Variants in TBC1D22A observed in about 807,000 individuals in gnomAD.
TBC1D22A encodes putative GTPase activator.
Under a neutral mutation model 60.2 loss-of-function variants are expected in TBC1D22A, and 38 were observed. The ratio of observed to expected loss-of-function variants is 0.63; its 90% CI spans 0.49 to 0.83. The LOEUF is 0.83. TBC1D22A is among the 40% of genes least tolerant of loss of function. TBC1D22A has a pLI of 0.00. For missense variants in TBC1D22A, 628 were observed against 701.0 expected (o/e 0.90, Z 1.18); for synonymous variants, 302 against 281.7 (o/e 1.07, Z -0.72).
In TBC1D22A at chr22:47,039,935, C is replaced by CTTTT. The variant is rs570751261; in HGVS notation, c.1329+2761_1329+2764dup. On this transcript the variant is annotated intron_variant, in intron 11 of 12. Transcript: ENST00000337137. Reference sequence around the variant, plus strand: ...CAAGGCGTCGGGGAGGTGCCACAGCCTTTTTTTTTTTTTTTTTTTTTTTTT... The same window carrying CTTTT: ...CAAGGCGTCGGGGAGGTGCCACAGCCTTTTTTTTTTTTTTTTTTTTTTTTTTTTT... Among the ~76,000 whole-genome samples the CTTTT allele has an allele frequency of 2.7e-3, 209 of 77,278 alleles. 25 individuals carry two copies. Among genetic ancestry groups the CTTTT allele is most frequent in the African/African-American group, 8.3e-3 (132 of 15,926 alleles). 50.7% of individuals were successfully genotyped at this position (77,278 alleles called of 152,430 possible). A position where few individuals can be genotyped will look rare whatever the true frequency, so the allele number is the denominator to read the frequency against.
chr22:46,904,101 A>ATCTGTCTGTCTGTCTG (rs1569199177), intron 7 of TBC1D22A, among the ~76,000 whole-genome samples: 7 of 33,118 alleles, frequency 2.1e-4, no homozygotes, highest in African/African-American at 6.7e-4. Flanking sequence ...AATAAAATCT[A>ATCTGTCTGTCTGTCTG]TCTATCTATC....
intron 11 of TBC1D22A, among the ~76,000 whole-genome samples, chr22:47,099,961 A>G (rs2065345366): frequency 6.6e-6 from 1 of 152,168 alleles, no homozygotes; most frequent in Non-Finnish European, 1.5e-5. Context: ...GGCCTCGAGC[A>G]CCAGAGAAAC....
At chr22:46,924,755 A>AAC (rs2070953270) in intron 8 of TBC1D22A, among the ~76,000 whole-genome samples, 1 of 150,160 alleles carries the variant, frequency 6.7e-6, no homozygotes, top group Admixed American at 6.7e-5. Flanking sequence ...CAAAAAAAAA[A>AAC]CAAAAACAAA....
At chr22:47,089,952 G>C (rs2064851210) in intron 11 of TBC1D22A, among the ~76,000 whole-genome samples, 1 of 152,202 alleles carries the variant, frequency 6.6e-6, no homozygotes, top group East Asian at 1.9e-4. Flanking sequence ...GCAGAGGTCA[G>C]AACAGCCCAG....
intron 9 of TBC1D22A, among the ~76,000 whole-genome samples, chr22:46,989,598 C>T (rs1290454189): frequency 6.6e-6 from 1 of 152,106 alleles, no homozygotes; most frequent in East Asian, 1.9e-4. Flanking sequence ...AGTTGGAACA[C>T]ACACAAAACA....
chr22:46,929,983 C>T (rs2071263573), intron 8 of TBC1D22A, among the ~76,000 whole-genome samples: 1 of 152,152 alleles, frequency 6.6e-6, no homozygotes, highest in Non-Finnish European at 1.5e-5. Flanking sequence ...TATGGAAATG[C>T]AGTGCCTGAG....
intron 8 of TBC1D22A, among the ~76,000 whole-genome samples, chr22:46,947,609 G>A (rs1174826909): frequency 6.6e-6 from 1 of 152,180 alleles, no homozygotes; most frequent in Non-Finnish European, 1.5e-5. Flanking sequence ...CCGCTTGTCT[G>A]TGTTGTGTTC....
At chr22:47,110,077 G>GT (rs2065791662) in intron 11 of TBC1D22A, among the ~76,000 whole-genome samples, 1 of 152,228 alleles carries the variant, frequency 6.6e-6, no homozygotes, top group Admixed American at 6.5e-5. Context: ...TCGTTCTGCG[G>GT]TAGCTGTGCT....
chr22:47,107,137 G>A (rs559594622), intron 11 of TBC1D22A, among the ~76,000 whole-genome samples: 2 of 152,308 alleles, frequency 1.3e-5, no homozygotes, highest in East Asian at 3.9e-4. Context: ...GTTAAAATTT[G>A]TAGAGGGGCT....
chr22:46,891,539 C>T (rs1001523637), intron 6 of TBC1D22A, 145 bp downstream of exon 6: 16 of 846,714 alleles, frequency 1.9e-5, no homozygotes, highest in Non-Finnish European at 2.3e-5. Flanking sequence ...TTTTTATTTT[C>T]TAATAAATAA....
intron 8 of TBC1D22A, among the ~76,000 whole-genome samples, chr22:46,926,569 T>G (rs894631728): frequency 6.6e-6 from 1 of 152,212 alleles, no homozygotes; most frequent in Non-Finnish European, 1.5e-5. Flanking sequence ...AGTCTATTTG[T>G]AGCTGCAGTG....
intron 1 of TBC1D22A, among the ~76,000 whole-genome samples, chr22:46,769,283 A>G (rs2083405813): frequency 6.6e-6 from 1 of 152,218 alleles, no homozygotes; most frequent in African/African-American, 2.4e-5. Context: ...GGTCGGCTGA[A>G]TAGGCCACAG....
At chr22:46,942,008 C>T (rs976075513) in intron 8 of TBC1D22A, among the ~76,000 whole-genome samples, 4 of 133,630 alleles carry the variant, frequency 3.0e-5, no homozygotes, top group Admixed American at 7.7e-5. Context: ...CACCAGCATA[C>T]ATATATATAT....
chr22:47,081,120 C>CAAAAAAAAAAAAAAAAAAA (rs34794967), intron 11 of TBC1D22A, among the ~76,000 whole-genome samples: 1 of 83,782 alleles, frequency 1.2e-5, no homozygotes, highest in African/African-American at 4.9e-5. Context: ...AACTCCGTCT[C>CAAAAAAAAAAAAAAAAAAA]AAAAAAAAAA....
intron 8 of TBC1D22A, among the ~76,000 whole-genome samples, chr22:46,964,308 C>G (rs1340901750): frequency 6.6e-6 from 1 of 152,152 alleles, no homozygotes; most frequent in East Asian, 1.9e-4. Context: ...TGCAGTCATG[C>G]CTTTTGAGTA....
At chr22:47,172,938 T>C (rs1569482967) in intron 12 of TBC1D22A, among the ~76,000 whole-genome samples, 3 of 152,368 alleles carry the variant, frequency 2.0e-5, no homozygotes, top group African/African-American at 7.2e-5. Flanking sequence ...GGGCTTCATC[T>C]GCTGATGGTG....
At chr22:46,822,661 C>G (rs182229820) in intron 4 of TBC1D22A, among the ~76,000 whole-genome samples, 5 of 152,270 alleles carry the variant, frequency 3.3e-5, no homozygotes, top group Admixed American at 6.5e-5. Flanking sequence ...CAACCTGATG[C>G]CAGCAGGATC....
At chr22:47,148,012 C>T (rs1452714462) in intron 12 of TBC1D22A, among the ~76,000 whole-genome samples, 1 of 152,186 alleles carries the variant, frequency 6.6e-6, no homozygotes, top group African/African-American at 2.4e-5. Flanking sequence ...AGGACAGTGC[C>T]AGGGAAGAGA....
At chr22:47,030,409 G>A (rs1288752053) in intron 10 of TBC1D22A, among the ~76,000 whole-genome samples, 2 of 152,204 alleles carry the variant, frequency 1.3e-5, no homozygotes, top group Non-Finnish European at 2.9e-5. Flanking sequence ...CAATGTGCTT[G>A]CATAATTTAT....
Sources: gnomAD v4.1 joint callset for allele counts (sites outside exome capture counted in the v4.1 genomes callset) on GRCh38, gnomAD v4.1.1 for gene constraint, MANE v1.5 for transcripts, NCBI Gene and HGNC (gene_info 2026-07-23, HGNC 2026-07-21) for gene names.